Variants in RASGRF1 observed in about 807,000 individuals in gnomAD.
RASGRF1 encodes the protein Ras protein specific guanine nucleotide releasing factor 1.
RASGRF1 carries 40 observed loss-of-function variants against 138.7 expected under a neutral mutation model. That is an observed-to-expected ratio of 0.29 (90% CI 0.22 to 0.38). The LOEUF (loss-of-function observed/expected upper bound fraction) is 0.38. Among genes scored for constraint, RASGRF1 ranks in the 10% least tolerant of loss-of-function variants. RASGRF1 has a pLI of 1.00. For synonymous variants in RASGRF1, 614 were observed against 663.2 expected, an observed-to-expected ratio of 0.93 and a Z score of 1.14; for missense variants, 1,108 against 1,650.4, an observed-to-expected ratio of 0.67 and a Z score of 5.69.
intron 17 of RASGRF1, among the ~76,000 whole-genome samples, chr15:78,999,383 G>A (rs1415457222): frequency 6.6e-6 from 1 of 152,146 alleles, no homozygotes; most frequent in Non-Finnish European, 1.5e-5. Context: ...GAGGGTGCAG[G>A]GCACGCTGTG....
rs753645260 is a variant in RASGRF1 at position 79,001,656 on chromosome 15, T to A, written c.2575+6A>T. The A allele has an allele frequency of 1.2e-6, 2 of 1,613,224 alleles. No homozygotes were observed. The highest frequency in any genetic ancestry group is 3.3e-5 in the Admixed American group (2 of 59,974). On this transcript the variant is annotated splice_donor_region_variant and intron_variant, in intron 16 of 26. Transcript: ENST00000558480. Reference sequence around the variant, plus strand: ...CTATTTGTGGTTTTGAATTGGTGCATTGTACCTGAAGAATTTTTGTTTTTG... The same window carrying A: ...CTATTTGTGGTTTTGAATTGGTGCAATGTACCTGAAGAATTTTTGTTTTTG...
chr15:79,006,549 T>G lies in RASGRF1; in HGVS notation c.1827-115A>C. The G allele has an allele frequency of 3.1e-6, 4 of 1,295,966 alleles. No individual in the cohort carries two copies. Among genetic ancestry groups the G allele is most frequent in the Non-Finnish European group, 3.1e-6 (3 of 953,270 alleles). The allele number at this position is 1,295,966 out of a possible 1,614,324, so 80.3% of individuals were successfully genotyped here. On this transcript the variant is annotated intron_variant, in intron 13 of 26. Coordinates refer to ENST00000558480, the MANE Select transcript of RASGRF1 (RefSeq NM_001145648.3). This position sits in a 1 kb window ranked among gnomAD's most constrained non-coding sequence, Gnocchi z 4.0. ...ACACTGACAACACAGGATGGTCTTATTAAGAGAACAAGCTTGGGAAGGATG... is the reference window on the plus strand; with the variant it reads ...ACACTGACAACACAGGATGGTCTTAGTAAGAGAACAAGCTTGGGAAGGATG...
At position 79,018,005 on chromosome 15, in the gene RASGRF1, C is replaced by T. The variant is rs2056905361; in HGVS notation, c.1607-99G>A. The T allele has an allele frequency of 3.4e-6, 5 of 1,451,828 alleles. No individual in the cohort carries two copies. In the South Asian group the frequency reaches 5.2e-5, roughly 15 times the overall value. The allele number at this position is 1,451,828 out of a possible 1,614,324, so 89.9% of individuals were successfully genotyped here. ...CCTGTCGTACGTACCAGTGGAGGCTCTGCGTTGGTAAGGCACCAGGCCAAT... is the reference window on the plus strand; with the variant it reads ...CCTGTCGTACGTACCAGTGGAGGCTTTGCGTTGGTAAGGCACCAGGCCAAT... On this transcript the variant is annotated intron_variant, in intron 11 of 26. Coordinates refer to ENST00000558480, the MANE Select transcript of RASGRF1 (RefSeq NM_001145648.3).
chr15:79,090,484 G>A lies in RASGRF1; in HGVS notation c.15C>T (p.Ile5=). 6.2e-7 allele frequency: 1 copy of A among 1,612,378 alleles called. No individual in the cohort carries two copies. The highest frequency in any genetic ancestry group is 8.5e-7 in the Non-Finnish European group (1 of 1,179,940). MQKG[I]RLNDGHVASL... ...ACGCGACGTGGCCATCATTCAGCCG[G>A]ATCCCCTTCTGCATGGTGCTCAGAG... The change falls in exon 1 of 27, where the codon ATC becomes ATT. Residue 5 remains isoleucine (I), a synonymous_variant. Transcript: ENST00000558480.
intron 5 of RASGRF1, among the ~76,000 whole-genome samples, chr15:79,039,738 A>G (rs529968262): frequency 2.2e-4 from 33 of 152,058 alleles, no homozygotes; most frequent in Admixed American, 7.9e-4. Context: ...TATATTTTCT[A>G]AGTGGTTGCT....
intron 24 of RASGRF1, chr15:78,978,482 C>A: frequency 3.1e-6 from 3 of 963,264 alleles, no homozygotes; most frequent in Non-Finnish European, 3.7e-6. Flanking sequence ...ACCTCGGCCT[C>A]CTAAAGTGCT....
intron 13 of RASGRF1, among the ~76,000 whole-genome samples, chr15:79,009,420 T>C (rs1246916563): frequency 6.6e-6 from 1 of 152,192 alleles, no homozygotes; most frequent in Non-Finnish European, 1.5e-5. Flanking sequence ...GCTCAGTAAC[T>C]GTCTCTCAAA....
chr15:79,070,164 T>C (rs2141075886), intron 1 of RASGRF1, among the ~76,000 whole-genome samples: 1 of 152,262 alleles, frequency 6.6e-6, no homozygotes, highest in South Asian at 2.1e-4. Flanking sequence ...GGTGTGAGGT[T>C]GGGTCTGGGA....
chr15:79,015,275 G>A (rs2056862740), intron 13 of RASGRF1, 52 bp downstream of exon 13: 1 of 1,534,558 alleles, frequency 6.5e-7, no homozygotes, highest in South Asian at 1.1e-5. Context: ...TCACCTTGTG[G>A]TACTCAGTCT....
At chr15:79,003,245 G>A (rs761959488) in intron 15 of RASGRF1, among the ~76,000 whole-genome samples, 13 of 152,194 alleles carry the variant, frequency 8.5e-5, no homozygotes, top group African/African-American at 1.7e-4. Context: ...AATTGAGATC[G>A]AACAGTTCTT....
At chr15:78,978,614 C>G in intron 24 of RASGRF1, 2 of 994,154 alleles carry the variant, frequency 2.0e-6, no homozygotes, top group Non-Finnish European at 1.2e-6. Context: ...CATAGCAGGA[C>G]TCCTTCTCTG....
Position 79,015,320 on chromosome 15 carries a change from C to G in RASGRF1, c.1826+7G>C, listed in dbSNP as rs778717633. ...TGCCTGGTCAAGATGGGGTTAAGGG[C>G]ACTTACTTGATCATCTGCGGCACAG... On this transcript the variant is annotated splice_region_variant and intron_variant, in intron 13 of 26. Coordinates refer to ENST00000558480, the MANE Select transcript of RASGRF1 (RefSeq NM_001145648.3). The G allele has an allele frequency of 1.2e-6, 2 of 1,610,484 alleles. No individual in the cohort carries two copies.
At chr15:79,069,075 A>G (rs769986534) in intron 1 of RASGRF1, among the ~76,000 whole-genome samples, 12 of 152,094 alleles carry the variant, frequency 7.9e-5, no homozygotes, top group Non-Finnish European at 1.5e-4. Context: ...CCTTCCTTGG[A>G]GCCTCACAAC....
intron 26 of RASGRF1, among the ~76,000 whole-genome samples, chr15:78,970,899 A>G (rs1221495605): frequency 6.6e-6 from 1 of 150,710 alleles, no homozygotes; most frequent in African/African-American, 2.4e-5. Context: ...AAACTAGTCC[A>G]ATTATATAAC....
intron 5 of RASGRF1, among the ~76,000 whole-genome samples, chr15:79,039,046 AG>A (rs1410282890): frequency 1.3e-5 from 2 of 151,986 alleles, no homozygotes; most frequent in Admixed American, 1.3e-4. Flanking sequence ...TTGCCAGGTG[AG>A]GTGGCTCACG....
chr15:79,027,977 G>A lies in RASGRF1; in HGVS notation c.1263-118C>T, dbSNP rs1162017816. The A allele has an allele frequency of 5.9e-6, 6 of 1,024,824 alleles. No homozygotes were observed. The African/African-American group carries it at 6.3e-5, about 11-fold the overall frequency. The allele number at this position is 1,024,824 out of a possible 1,614,324, so 63.5% of individuals were successfully genotyped here. On this transcript the variant is annotated intron_variant, in intron 8 of 26. Coordinates refer to ENST00000558480, the MANE Select transcript of RASGRF1 (RefSeq NM_001145648.3). The surrounding 1 kb of genome is among the most constrained non-coding windows in gnomAD (Gnocchi z 4.8). ...AAGCCTGGCACAAGGATTCTCAGGT[G>A]GAGTCTGTGGTCATGGAGGGGAAGG... is the stretch of plus-strand genomic sequence containing the variant.
chr15:79,067,771 TAGAGAC>T (rs1273548043), intron 1 of RASGRF1, among the ~76,000 whole-genome samples: 11 of 151,856 alleles, frequency 7.2e-5, no homozygotes, highest in Non-Finnish European at 1.0e-4. Flanking sequence ...GGGACAGAGA[TAGAGAC>T]AGAGACAGAG....
chr15:79,040,845 T>C (rs1567563144), intron 5 of RASGRF1, among the ~76,000 whole-genome samples: 1 of 152,246 alleles, frequency 6.6e-6, no homozygotes, highest in Non-Finnish European at 1.5e-5. Flanking sequence ...TTCTCAAATC[T>C]ACATGACCCC....
chr15:79,049,491 C>A lies in RASGRF1; in HGVS notation c.624+5G>T, dbSNP rs770518273. ...AAGAAGGCCACCCAGAGGGATAGCA[C>A]TGACCTTCTTAATTTTCTTGATGTC... On this transcript the variant is annotated splice_donor_5th_base_variant and intron_variant, in intron 4 of 26. Transcript: ENST00000558480. 6.2e-7 allele frequency: 1 copy of A among 1,613,694 alleles called. No homozygotes were observed.
Sources: allele counts gnomAD v4.1 joint callset (sites outside exome capture counted in the v4.1 genomes callset), GRCh38; gene constraint gnomAD v4.1.1; non-coding constraint Gnocchi (gnomAD v3.1); transcripts MANE v1.5; gene names NCBI Gene and HGNC (gene_info 2026-07-23, HGNC 2026-07-21).